The following SH3GL2 variants were observed in gnomAD, a reference collection of about 807,000 sequenced individuals.
The protein encoded by SH3GL2 is endophilin-A1.
Under a neutral mutation model 46.0 loss-of-function variants are expected in SH3GL2, and 24 were observed. That is an observed-to-expected ratio of 0.52 (90% CI 0.38 to 0.73). The LOEUF is 0.73. Ranked by LOEUF, SH3GL2 falls within the 30% of genes least tolerant of loss-of-function variation. SH3GL2 has a pLI of 0.00. For missense variants in SH3GL2, 413 were observed against 424.2 expected (o/e 0.97, Z 0.23); for synonymous variants, 196 against 147.1 (o/e 1.33, Z -2.40).
intron 1 of SH3GL2, among the ~76,000 whole-genome samples, chr9:17,648,863 T>C (rs3808728): frequency 0.86 from 131,243 of 152,148 alleles, 59,548 homozygotes; most frequent in Non-Finnish European, 0.99. Context: ...TCTGGCAACC[T>C]AGAAACAAAG....
intron 1 of SH3GL2, among the ~76,000 whole-genome samples, chr9:17,621,221 T>G (rs1308339049): frequency 1.3e-5 from 2 of 152,220 alleles, no homozygotes; most frequent in Non-Finnish European, 2.9e-5. Flanking sequence ...TGTAGATAAT[T>G]TTACAATGAA....
intron 1 of SH3GL2, among the ~76,000 whole-genome samples, chr9:17,588,469 G>A (rs1018369378): frequency 6.6e-6 from 1 of 152,196 alleles, no homozygotes; most frequent in African/African-American, 2.4e-5. Flanking sequence ...GGTAGTGGAA[G>A]GAAAAATCAG....
chr9:17,761,959 C>T (rs529738855), intron 3 of SH3GL2, among the ~76,000 whole-genome samples: 37 of 152,242 alleles, frequency 2.4e-4, no homozygotes, highest in African/African-American at 8.2e-4. Context: ...GTCTTCAGAG[C>T]GTTGATCTTG....
chr9:17,646,764 A>G (rs557304154), intron 1 of SH3GL2, among the ~76,000 whole-genome samples: 55 of 152,294 alleles, frequency 3.6e-4, no homozygotes, highest in African/African-American at 1.2e-3. Context: ...CCACAGGGGC[A>G]ACTGCCAGAT....
intron 7 of SH3GL2, among the ~76,000 whole-genome samples, chr9:17,792,370 G>T (rs3808665): frequency 5.8e-4 from 88 of 152,264 alleles, no homozygotes; most frequent in Middle Eastern, 3.4e-3. Context: ...CATGAAGGGA[G>T]CCCTTTCCTT....
chr9:17,661,656 A>G (rs1820218444), intron 1 of SH3GL2, among the ~76,000 whole-genome samples: 1 of 152,224 alleles, frequency 6.6e-6, no homozygotes, highest in Non-Finnish European at 1.5e-5. Context: ...CATAAATAAA[A>G]CAAAACATGC....
chr9:17,579,206 C>G lies in SH3GL2; in HGVS notation c.-37C>G, dbSNP rs535977649. On this transcript the variant is annotated 5_prime_UTR_variant, in exon 1 of 9. Transcript: ENST00000380607. Reference sequence around the variant, plus strand: ...CCTCCAGTCCCCCTCCGCCTCCTCCCTCCCGCACAGCAGCCGCCAGCGCGG... The same window carrying G: ...CCTCCAGTCCCCCTCCGCCTCCTCCGTCCCGCACAGCAGCCGCCAGCGCGG... 2 of 1,508,136 alleles carry G rather than the reference C, an allele frequency of 1.3e-6. No individual in the cohort carries two copies. Among genetic ancestry groups the G allele is most frequent in the South Asian group, 1.2e-5 (1 of 82,036 alleles). 93.4% of individuals were successfully genotyped at this position (1,508,136 alleles called of 1,614,324 possible). A position where few individuals can be genotyped will look rare whatever the true frequency, so the allele number is the denominator to read the frequency against.
intron 1 of SH3GL2, among the ~76,000 whole-genome samples, chr9:17,746,129 C>T (rs1454956551): frequency 6.6e-6 from 1 of 152,116 alleles, no homozygotes; most frequent in African/African-American, 2.4e-5. Flanking sequence ...GGCTGGAGTG[C>T]AGTGGTGGGA....
intron 1 of SH3GL2, among the ~76,000 whole-genome samples, chr9:17,677,926 G>C (rs1326953855): frequency 6.6e-6 from 1 of 152,038 alleles, no homozygotes; most frequent in East Asian, 1.9e-4. Context: ...ATGGTTTCCA[G>C]CTTCATCCAT....
In SH3GL2 at chr9:17,706,716, A is replaced by G. The variant is rs527536056; in HGVS notation, c.46-40350A>G. Reference sequence around the variant, plus strand: ...TATTTTTTTCCTCCTGGCTTTAGACATCTTATAGGTGAGTCCCTTAGAGTT... The same window carrying G: ...TATTTTTTTCCTCCTGGCTTTAGACGTCTTATAGGTGAGTCCCTTAGAGTT... On this transcript the variant is annotated intron_variant, in intron 1 of 8. Transcript: ENST00000380607. 5.9e-5 allele frequency among the ~76,000 whole-genome samples: 9 copies of G among 152,120 alleles called. No individual in the cohort carries two copies. In the South Asian group the frequency reaches 1.5e-3, roughly 25 times the overall value.
At chr9:17,610,377 C>A (rs145074332) in intron 1 of SH3GL2, among the ~76,000 whole-genome samples, 11 of 152,272 alleles carry the variant, frequency 7.2e-5, no homozygotes, top group Non-Finnish European at 1.6e-4. Context: ...GTCTAACAGG[C>A]ACCTGCTCTA....
intron 6 of SH3GL2, 117 bp from the exon 7 acceptor site, chr9:17,791,114 C>A: frequency 1.4e-6 from 1 of 705,392 alleles, no homozygotes; most frequent in Non-Finnish European, 2.6e-6. Flanking sequence ...CAGTCATCAG[C>A]ACCACCAACC....
Position 17,681,247 on chromosome 9 carries a change from A to G in SH3GL2, c.46-65819A>G, listed in dbSNP as rs576330873. 3.9e-5 allele frequency among the ~76,000 whole-genome samples: 6 copies of G among 152,306 alleles called. No homozygotes were observed. In the South Asian group the frequency reaches 8.3e-4, roughly 21 times the overall value. On this transcript the variant is annotated intron_variant, in intron 1 of 8. Transcript: ENST00000380607. ...GGAAGAGGTAAGTGGCAAAACAACAATAACAACAACAAAAGAGTCTAATCA... is the reference window on the plus strand; with the variant it reads ...GGAAGAGGTAAGTGGCAAAACAACAGTAACAACAACAAAAGAGTCTAATCA...
At chr9:17,615,595 C>T (rs956855799) in intron 1 of SH3GL2, among the ~76,000 whole-genome samples, 2 of 139,468 alleles carry the variant, frequency 1.4e-5, no homozygotes, top group Non-Finnish European at 3.0e-5. Flanking sequence ...GCAGAGGTTG[C>T]AGTGAGCCGA....
intron 1 of SH3GL2, among the ~76,000 whole-genome samples, chr9:17,587,025 A>C (rs942576474): frequency 1.3e-5 from 2 of 152,124 alleles, no homozygotes; most frequent in Non-Finnish European, 2.9e-5. Flanking sequence ...AACATGGCAA[A>C]ACCTCGTCTC....
Position 17,671,642 on chromosome 9 carries a change from T to C in SH3GL2, c.46-75424T>C, listed in dbSNP as rs780366180. On this transcript the variant is annotated intron_variant, in intron 1 of 8. Coordinates refer to ENST00000380607, the MANE Select transcript of SH3GL2 (RefSeq NM_003026.5). ...TATGTACCTACAAAACTAAAAAAAA[T>C]TATAAAAGCAAAAAACAAAAACGAA... 1.3e-4 allele frequency among the ~76,000 whole-genome samples: 20 copies of C among 152,030 alleles called. 1 individual carries two copies. The highest frequency in any genetic ancestry group is 5.2e-4 in the Admixed American group (8 of 15,248).
rs1819891525 is a variant in SH3GL2, at chr9:17,648,983, T to C, written c.45+69696T>C. ...GATCTTATCTATCTCTGAATAGAAC[T>C]GTGTTTCCTGTATGATGTTGTGTGT... is the stretch of plus-strand genomic sequence containing the variant. On this transcript the variant is annotated intron_variant, in intron 1 of 8. Transcript: ENST00000380607. Among the ~76,000 whole-genome samples, 3 of 152,192 alleles carry C rather than the reference T, an allele frequency of 2.0e-5. No individual in the cohort carries two copies. In the South Asian group the frequency reaches 6.2e-4, roughly 31 times the overall value.
chr9:17,795,760 G>C lies in SH3GL2; in HGVS notation c.*17G>C, dbSNP rs371581382. 1 of 1,601,770 alleles carries C rather than the reference G, an allele frequency of 6.2e-7. No individual in the cohort carries two copies. The highest frequency in any genetic ancestry group is 8.5e-7 in the Non-Finnish European group (1 of 1,170,320). On this transcript the variant is annotated 3_prime_UTR_variant, in exon 9 of 9. Transcript: ENST00000380607. The stretch of plus-strand genomic sequence containing the variant: ...CCCCATTAGGATGTTATGCTGGCTG[G>C]CTCGCCTCCTCTTGACCCAGATAGT...
intron 3 of SH3GL2, among the ~76,000 whole-genome samples, chr9:17,762,149 C>G (rs115937587): frequency 6.6e-6 from 1 of 152,090 alleles, no homozygotes; most frequent in Non-Finnish European, 1.5e-5. Flanking sequence ...GCAAAGCAGC[C>G]TACCTGATAG....
Sources: gnomAD v4.1 joint callset for allele counts (sites outside exome capture counted in the v4.1 genomes callset) on GRCh38, gnomAD v4.1.1 for gene constraint, MANE v1.5 for transcripts, NCBI Gene and HGNC (gene_info 2026-07-23, HGNC 2026-07-21) for gene names.